Variants in TG observed in about 807,000 individuals in gnomAD.
TG encodes thyroid hormones.
Under a neutral mutation model 324.7 loss-of-function variants are expected in TG, and 270 were observed. That is an observed-to-expected ratio of 0.83 (90% CI 0.75 to 0.92). The LOEUF (loss-of-function observed/expected upper bound fraction) is 0.92. Ranked by LOEUF, TG falls within the 40% of genes least tolerant of loss-of-function variation. TG has a pLI of 0.00. For missense variants in TG, 3,591 were observed against 3,456.4 expected, an observed-to-expected ratio of 1.04 and a Z score of -0.98; for synonymous variants, 1,401 against 1,327.0, an observed-to-expected ratio of 1.06 and a Z score of -1.21.
At chr8:133,112,487 C>T (rs1850337436) in intron 43 of TG, among the ~76,000 whole-genome samples, 1 of 150,906 alleles carries the variant, frequency 6.6e-6, no homozygotes, top group African/African-American at 2.4e-5. Flanking sequence ...ACAGTGCAGA[C>T]AGCAGCAACA....
rs747195779 is a variant in TG, at chr8:132,881,896, C to A, written c.672C>A (p.Phe224Leu). The A allele has an allele frequency of 6.2e-7, 1 of 1,614,144 alleles. No homozygotes were observed. Among genetic ancestry groups the A allele is most frequent in the Non-Finnish European group, 8.5e-7 (1 of 1,179,968 alleles). The stretch of plus-strand genomic sequence containing the variant: ...ATGCATTTGTGACCTTCAGTTCCTT[C>A]CAGAGGAGGTTCCCTGAGGTATCTG... ...FPDAFVTFSSFQRRFPEVSGY... is the reference protein window; with the variant it reads ...FPDAFVTFSSLQRRFPEVSGY... Residue 224 changes from phenylalanine to leucine, a missense_variant, in exon 6 of 48, where the codon TTC becomes TTA. Coordinates refer to ENST00000220616, the MANE Select transcript of TG (RefSeq NM_003235.5).
chr8:132,986,837 C>T (rs1210635303), intron 35 of TG, among the ~76,000 whole-genome samples: 1 of 152,142 alleles, frequency 6.6e-6, no homozygotes, highest in Non-Finnish European at 1.5e-5. Context: ...TGCATACTTA[C>T]CAGCCGTAAA....
intron 32 of TG, among the ~76,000 whole-genome samples, chr8:132,970,273 T>C (rs980403342): frequency 1.3e-5 from 2 of 152,184 alleles, no homozygotes; most frequent in African/African-American, 4.8e-5. Flanking sequence ...GTTGTTTTAA[T>C]TGAAGATGAT....
Position 132,966,717 on chromosome 8 carries a change from A to ATTC in TG, c.5686+30_5686+32dup, listed in dbSNP as rs1564014097. The ATTC allele has an allele frequency of 2.5e-6, 4 of 1,613,672 alleles. No individual in the cohort carries two copies. The highest frequency in any genetic ancestry group is 3.4e-6 in the Non-Finnish European group (4 of 1,179,922). ...TTTCTCGTAAGTATCCTTAGAACTC[A>ATTC]TTCTTCTTCTTCCAGACACTGTAGT... On this transcript the variant is annotated intron_variant, in intron 30 of 47. Transcript: ENST00000220616.
intron 19 of TG, 107 bp downstream of exon 19, chr8:132,911,640 G>T: frequency 1.1e-6 from 1 of 927,554 alleles, no homozygotes; most frequent in Non-Finnish European, 1.8e-6. Context: ...ATGTCTTCTT[G>T]TGAAGACTAT....
chr8:133,130,998 T>C (rs947757069), intron 45 of TG, among the ~76,000 whole-genome samples: 7 of 152,058 alleles, frequency 4.6e-5, no homozygotes, highest in Non-Finnish European at 8.8e-5. Context: ...AGTGTGGTGA[T>C]TGAGAAACAA....
rs553951980 is a variant in TG at position 132,900,737 on chromosome 8, C to T, written c.3433+398C>T. Among the ~76,000 whole-genome samples, 13 of 152,304 alleles carry T rather than the reference C, an allele frequency of 8.5e-5. No homozygotes were observed. In the East Asian group the frequency reaches 2.3e-3, roughly 27 times the overall value. Reference sequence around the variant, plus strand: ...CTCTTCTGCCTAAACACCATAAATGCTCCCATCATCTTCGGGGCCGTGCTT... The same window carrying T: ...CTCTTCTGCCTAAACACCATAAATGTTCCCATCATCTTCGGGGCCGTGCTT... On this transcript the variant is annotated intron_variant, in intron 15 of 47. Coordinates refer to ENST00000220616, the MANE Select transcript of TG (RefSeq NM_003235.5).
intron 35 of TG, among the ~76,000 whole-genome samples, chr8:132,986,226 T>A (rs1163906538): frequency 2.0e-5 from 3 of 152,030 alleles, no homozygotes; most frequent in Non-Finnish European, 4.4e-5. Flanking sequence ...CTTTTTAGGC[T>A]CTCTGTATGG....
chr8:133,094,263 TGGA>T (rs1848067515), intron 41 of TG, among the ~76,000 whole-genome samples: 1 of 144,046 alleles, frequency 6.9e-6, no homozygotes. Context: ...TTTTTTTTGA[TGGA>T]GTCTTGCTCT....
chr8:132,902,706 A>G (rs2132298756), intron 16 of TG, among the ~76,000 whole-genome samples: 1 of 152,346 alleles, frequency 6.6e-6, no homozygotes, highest in Non-Finnish European at 1.5e-5. Flanking sequence ...TAAGTCAGAT[A>G]CAATCAACAT....
chr8:132,977,422 T>C (rs1281607936), intron 34 of TG, among the ~76,000 whole-genome samples: 1 of 152,200 alleles, frequency 6.6e-6, no homozygotes, highest in Non-Finnish European at 1.5e-5. Flanking sequence ...TAGTGACATC[T>C]ATACTGAGTG....
intron 8 of TG, among the ~76,000 whole-genome samples, chr8:132,884,090 C>G (rs1563905215): frequency 6.6e-6 from 1 of 152,154 alleles, no homozygotes. Context: ...GAGTCTTCTC[C>G]TCTTCTTACA....
At chr8:132,942,643 A>G (rs1180346906) in intron 26 of TG, among the ~76,000 whole-genome samples, 1 of 152,182 alleles carries the variant, frequency 6.6e-6, no homozygotes, top group Non-Finnish European at 1.5e-5. Flanking sequence ...GCCTTTACTC[A>G]TTTATTCATC....
Position 132,941,354 on chromosome 8 carries a change from A to C in TG, c.5045A>C (p.Gln1682Pro). 1 of 1,614,242 alleles carries C rather than the reference A, an allele frequency of 6.2e-7. No homozygotes were observed. The highest frequency in any genetic ancestry group is 8.5e-7 in the Non-Finnish European group (1 of 1,180,042). Residue 1682 changes from glutamine (Q) to proline (P), a missense_variant, in exon 26 of 48, where the codon CAA becomes CCA. Gln to Pro is a moderately conservative substitution (Grantham distance 76). Coordinates refer to ENST00000220616, the MANE Select transcript of TG (RefSeq NM_003235.5). ...TTTTGTTCTGCCTTTCCCCCAGGCC[A>C]AGGATCCACCACAACACTTCAGAAA... ...DSPAVYLKKG[Q>P]GSTTTLQKRF...
At chr8:133,055,973 C>T (rs898785045) in intron 41 of TG, among the ~76,000 whole-genome samples, 9 of 151,982 alleles carry the variant, frequency 5.9e-5, no homozygotes, top group African/African-American at 1.7e-4. Flanking sequence ...ATTGAAACTA[C>T]CTTATTTTGA....
At chr8:132,972,785 A>T (rs372974939) in intron 34 of TG, 44 bp downstream of exon 34, 437 of 1,612,322 alleles carry the variant, frequency 2.7e-4, no homozygotes, top group Non-Finnish European at 3.5e-4. Context: ...TCTTTAGTTA[A>T]CTATTTCCCA....
chr8:132,968,036 A>G (rs1828887230), intron 31 of TG, 66 bp downstream of exon 31: 1 of 1,565,902 alleles, frequency 6.4e-7, no homozygotes, highest in South Asian at 1.1e-5. Flanking sequence ...TGGTTTTAGA[A>G]AGATCCACAT....
intron 41 of TG, among the ~76,000 whole-genome samples, chr8:133,061,075 G>A (rs1455680798): frequency 6.6e-6 from 1 of 152,178 alleles, no homozygotes; most frequent in Non-Finnish European, 1.5e-5. Flanking sequence ...GCAATGGCAC[G>A]ATCTCGGCTC....
At chr8:133,003,701 G>A (rs1833773206) in intron 35 of TG, among the ~76,000 whole-genome samples, 1 of 152,222 alleles carries the variant, frequency 6.6e-6, no homozygotes, top group Admixed American at 6.5e-5. Flanking sequence ...GACTGCAGCT[G>A]TGCTGCCTCC....
Sources: gnomAD v4.1 joint callset for allele counts (sites outside exome capture counted in the v4.1 genomes callset) on GRCh38, gnomAD v4.1.1 for gene constraint, MANE v1.5 for transcripts, NCBI Gene and HGNC (gene_info 2026-07-23, HGNC 2026-07-21) for gene names.